The following ZNF346 variants were observed in gnomAD, a reference collection of about 807,000 sequenced individuals.
ZNF346 encodes zinc finger protein 346.
ZNF346 carries 23 observed loss-of-function variants against 33.7 expected under a neutral mutation model. That is an observed-to-expected ratio of 0.68 (90% CI 0.49 to 0.97). The LOEUF is 0.97. Ranked by LOEUF, ZNF346 falls within the 50% of genes least tolerant of loss-of-function variation. ZNF346 has a pLI of 0.00. For synonymous variants in ZNF346, 134 were observed against 142.4 expected (o/e 0.94, Z 0.42); for missense variants, 340 against 371.1 (o/e 0.92, Z 0.69).
At chr5:177,023,643 AAG>A (rs1179181284) in intron 1 of ZNF346, among the ~76,000 whole-genome samples, 1 of 152,170 alleles carries the variant, frequency 6.6e-6, no homozygotes, top group African/African-American at 2.4e-5. Flanking sequence ...GGATGAAAGA[AAG>A]AGAAGGATGG....
At chr5:177,025,886 T>G (rs1334530579) in intron 1 of ZNF346, among the ~76,000 whole-genome samples, 2 of 152,148 alleles carry the variant, frequency 1.3e-5, no homozygotes, top group African/African-American at 4.8e-5. Context: ...GAGATTAAAT[T>G]TATCATTTTT....
chr5:177,031,324 C>T lies in ZNF346; in HGVS notation c.175+8411C>T, dbSNP rs1178232254. ...CTGGGATTACAGGCATGAGCCACTG[C>T]GCCTGGACACTTAGTGTAATGTTTG... On this transcript the variant is annotated intron_variant, in intron 1 of 6. Transcript: ENST00000358149. 2.6e-5 allele frequency among the ~76,000 whole-genome samples: 4 copies of T among 152,314 alleles called. No individual in the cohort carries two copies. In the South Asian group the frequency reaches 6.2e-4, roughly 24 times the overall value.
intron 5 of ZNF346, among the ~76,000 whole-genome samples, chr5:177,057,346 G>C (rs1316804424): frequency 6.7e-6 from 1 of 148,450 alleles, no homozygotes; most frequent in Non-Finnish European, 1.5e-5. Context: ...CTCTTTTTTT[G>C]GTCCTTATGT....
In ZNF346 at chr5:177,075,666, G is replaced by A. The variant is rs565268056; in HGVS notation, c.*3-3716G>A. On this transcript the variant is annotated intron_variant, in intron 8 of 8. Transcript: ENST00000503039. ...TGAGTAGCTGGAACTACAGGCATGC[G>A]CCACTGTGCCTGGCTAATTTTTTTT... is the stretch of plus-strand genomic sequence containing the variant. Among the ~76,000 whole-genome samples the A allele has an allele frequency of 1.5e-3, 230 of 152,086 alleles. 1 individual carries two copies. The highest frequency in any genetic ancestry group is 3.4e-3 in the Middle Eastern group (1 of 294).
rs1783815201 is a variant in ZNF346 at position 177,077,639 on chromosome 5, C to T, written c.*3-1743C>T. Among the ~76,000 whole-genome samples, 1 of 152,152 alleles carries T rather than the reference C, an allele frequency of 6.6e-6. No individual in the cohort carries two copies. On this transcript the variant is annotated intron_variant, in intron 8 of 8. Transcript: ENST00000503039. The surrounding 1 kb of genome is among the most constrained non-coding windows in gnomAD (Gnocchi z 5.0). ...GTCACATGCTCATCTCTGACTTAAT[C>T]ACAATGGCCTGGGAGATGGAATATT...
chr5:177,036,819 G>A lies in ZNF346; in HGVS notation c.176-4307G>A, dbSNP rs111669135. On this transcript the variant is annotated intron_variant, in intron 1 of 6. Coordinates refer to ENST00000358149, the MANE Select transcript of ZNF346 (RefSeq NM_012279.4). Reference sequence around the variant, plus strand: ...ACCTTCTTGCCAGAGTTTCTACACCGATTGCAGGAAGGGCTGAGAGCAGCC... The same window carrying A: ...ACCTTCTTGCCAGAGTTTCTACACCAATTGCAGGAAGGGCTGAGAGCAGCC... 1.2e-4 allele frequency among the ~76,000 whole-genome samples: 18 copies of A among 152,246 alleles called. 1 individual carries two copies. Among genetic ancestry groups the A allele is most frequent in the African/African-American group, 3.6e-4 (15 of 41,534 alleles).
chr5:177,029,739 G>A (rs890164970), intron 1 of ZNF346, among the ~76,000 whole-genome samples: 5 of 152,208 alleles, frequency 3.3e-5, no homozygotes, highest in Non-Finnish European at 7.3e-5. Context: ...TGGGTCTTGC[G>A]TGTTACTTCT....
chr5:177,040,014 A>G (rs1057054144), intron 1 of ZNF346, among the ~76,000 whole-genome samples: 1 of 151,944 alleles, frequency 6.6e-6, no homozygotes, highest in Non-Finnish European at 1.5e-5. Flanking sequence ...CCCCGTCTCT[A>G]CTAAAAATAC....
intron 5 of ZNF346, among the ~76,000 whole-genome samples, chr5:177,051,170 C>CTTTTTTTTTTTT (rs906484576): frequency 9.5e-6 from 1 of 104,846 alleles, no homozygotes; most frequent in African/African-American, 4.0e-5. Flanking sequence ...GTTTTCTTTT[C>CTTTTTTTTTTTT]TTTTTTTTTT....
chr5:177,058,048 T>C (rs1781981819), intron 5 of ZNF346, among the ~76,000 whole-genome samples: 1 of 151,078 alleles, frequency 6.6e-6, no homozygotes, highest in Non-Finnish European at 1.5e-5. Flanking sequence ...CTCAGACTCC[T>C]GACCTCAGGT....
At chr5:177,026,536 A>G (rs938928280) in intron 1 of ZNF346, among the ~76,000 whole-genome samples, 4 of 150,862 alleles carry the variant, frequency 2.7e-5, no homozygotes, top group African/African-American at 4.9e-5. Flanking sequence ...ATTTTTTTGT[A>G]TTTTTAGTAG....
chr5:177,035,236 C>T (rs572637010), intron 1 of ZNF346, among the ~76,000 whole-genome samples: 40 of 152,196 alleles, frequency 2.6e-4, no homozygotes, highest in African/African-American at 9.4e-4. Flanking sequence ...AGGCTGGTCT[C>T]AAACTCCTGG....
Position 177,065,355 on chromosome 5 carries a change from AG to A in ZNF346, c.*758del, listed in dbSNP as rs1379013366. Reference sequence around the variant, plus strand: ...TGGGACCTTTCCCCTCCTCCATCAGAGGTGCTCTGACCCTAGGTTACACGGG... The same window carrying A: ...TGGGACCTTTCCCCTCCTCCATCAGAGTGCTCTGACCCTAGGTTACACGGG... On this transcript the variant is annotated 3_prime_UTR_variant, in exon 7 of 7. Transcript: ENST00000358149. The A allele has an allele frequency of 1.3e-5, 2 of 152,550 alleles. No homozygotes were observed. The highest frequency in any genetic ancestry group is 3.9e-4 in the East Asian group (2 of 5,186). 9.4% of individuals were successfully genotyped at this position (152,550 alleles called of 1,614,324 possible).
intron 1 of ZNF346, among the ~76,000 whole-genome samples, chr5:177,035,471 T>G (rs1778351913): frequency 6.6e-6 from 1 of 152,062 alleles, no homozygotes; most frequent in South Asian, 2.1e-4. Context: ...AATTTTTTTT[T>G]TTTTTTGAGA....
chr5:177,044,673 A>AG, intron 4 of ZNF346, 140 bp downstream of exon 4: 1 of 840,340 alleles, frequency 1.2e-6, no homozygotes, highest in African/African-American at 1.7e-5. Context: ...AAAATCTCCA[A>AG]GTAGACCCAG....
At chr5:177,058,607 TAAAG>T (rs1158737061) in intron 5 of ZNF346, among the ~76,000 whole-genome samples, 1 of 152,168 alleles carries the variant, frequency 6.6e-6, no homozygotes, top group Non-Finnish European at 1.5e-5. Flanking sequence ...ACTTCACAAA[TAAAG>T]AAGTTGAGAC....
chr5:177,078,946 G>A (rs1459036600), intron 8 of ZNF346, among the ~76,000 whole-genome samples: 1 of 151,602 alleles, frequency 6.6e-6, no homozygotes, highest in Non-Finnish European at 1.5e-5. Context: ...TAAAAGCTGA[G>A]GAGTGACTTG....
In ZNF346 at chr5:177,067,570, G is replaced by A. The variant is rs1003930009; in HGVS notation, c.*2971G>A. ...GTGGGCTATCATACCGTGAGCCTCC[G>A]GCCTGCAAGACCACTTTGTAGTCCC... On this transcript the variant is annotated 3_prime_UTR_variant, in exon 7 of 7. Transcript: ENST00000358149. Among the ~76,000 whole-genome samples, 3 of 152,166 alleles carry A rather than the reference G, an allele frequency of 2.0e-5. No homozygotes were observed. Among genetic ancestry groups the A allele is most frequent in the African/African-American group, 7.2e-5 (3 of 41,434 alleles).
intron 1 of ZNF346, among the ~76,000 whole-genome samples, chr5:177,036,814 A>G (rs991174292): frequency 6.6e-6 from 1 of 152,072 alleles, no homozygotes; most frequent in Non-Finnish European, 1.5e-5. Flanking sequence ...CAGAGTTTCT[A>G]CACCGATTGC....
Sources: gnomAD v4.1 joint callset for allele counts (sites outside exome capture counted in the v4.1 genomes callset) on GRCh38, gnomAD v4.1.1 for gene constraint, Gnocchi (gnomAD v3.1) non-coding constraint, MANE v1.5 for transcripts, NCBI Gene and HGNC (gene_info 2026-07-23, HGNC 2026-07-21) for gene names.